Variants in TTC7B observed in about 807,000 individuals in gnomAD.
TTC7B encodes the protein tetratricopeptide repeat protein 7B.
In TTC7B, 28 loss-of-function variants were observed where a neutral mutation model predicts 106.8. The observed-to-expected ratio is 0.26, with a 90% CI of 0.19 to 0.36. TTC7B has a LOEUF of 0.36. Among genes scored for constraint, TTC7B ranks in the 10% least tolerant of loss-of-function variants. TTC7B has a pLI of 1.00. For synonymous variants in TTC7B, 405 were observed against 430.6 expected, an observed-to-expected ratio of 0.94 and a Z score of 0.74; for missense variants, 862 against 1,076.4, an observed-to-expected ratio of 0.80 and a Z score of 2.79.
At chr14:90,720,673 G>C (rs1888859557) in intron 5 of TTC7B, among the ~76,000 whole-genome samples, 1 of 152,096 alleles carries the variant, frequency 6.6e-6, no homozygotes, top group South Asian at 2.1e-4. Context: ...TATGTCAAGA[G>C]GTACCAGGAG....
At chr14:90,547,297 G>T (rs1232701852) in intron 19 of TTC7B, among the ~76,000 whole-genome samples, 1 of 152,220 alleles carries the variant, frequency 6.6e-6, no homozygotes, top group Non-Finnish European at 1.5e-5. Flanking sequence ...AATGGACTTG[G>T]CCAGTTTCAG....
intron 19 of TTC7B, among the ~76,000 whole-genome samples, chr14:90,558,736 C>T (rs571541508): frequency 2.4e-4 from 36 of 152,326 alleles, no homozygotes; most frequent in South Asian, 1.0e-3. Flanking sequence ...CACTGCAGGG[C>T]GATTCTAGTG....
intron 5 of TTC7B, among the ~76,000 whole-genome samples, chr14:90,714,273 T>C (rs1457147796): frequency 6.6e-6 from 1 of 151,876 alleles, no homozygotes; most frequent in Non-Finnish European, 1.5e-5. Context: ...CTACGTATTC[T>C]ATGATTACAT....
Position 90,578,109 on chromosome 14 carries a change from T to C in TTC7B, c.2307A>G (p.Arg769=), listed in dbSNP as rs569085922. The change falls in exon 19 of 20, where the codon CGA becomes CGG. Residue 769 remains arginine, a synonymous_variant. Coordinates refer to ENST00000328459, the MANE Select transcript of TTC7B (RefSeq NM_001010854.2). This position sits in a 1 kb window ranked among gnomAD's most constrained non-coding sequence, Gnocchi z 4.7. Reference sequence around the variant, plus strand: ...ACCGCCGGGCTCGTGGACTCACCAGTCGCTGCATGCTCTTCACGTGGGTGG... The same window carrying C: ...ACCGCCGGGCTCGTGGACTCACCAGCCGCTGCATGCTCTTCACGTGGGTGG... The part of the protein sequence containing the change: ...ISPTHVKSMQ[R]LALILHQLGR... 1.2e-5 allele frequency: 20 copies of C among 1,608,982 alleles called. No homozygotes were observed. The African/African-American group carries it at 2.1e-4, about 17-fold the overall frequency.
At chr14:90,810,447 C>T (rs1268668342) in intron 1 of TTC7B, among the ~76,000 whole-genome samples, 1 of 152,252 alleles carries the variant, frequency 6.6e-6, no homozygotes, top group Non-Finnish European at 1.5e-5. Context: ...CTCTTACCCA[C>T]TGTGCTTGCT....
chr14:90,676,622 G>C lies in TTC7B; in HGVS notation c.1053C>G (p.His351Gln). Residue 351 changes from histidine to glutamine, a missense_variant, in exon 9 of 20, where the codon CAC (histidine) becomes CAG (glutamine). By Grantham distance (24) the His-to-Gln change is conservative (BLOSUM62 0). Coordinates refer to ENST00000328459, the MANE Select transcript of TTC7B (RefSeq NM_001010854.2). ...GCAGACTGATGAGGCGGTCACTCTT[G>C]TGTTCAGGTATCCTGCTCAGCACAG... ...RDAVLSRIPE[H>Q]KSDRLISLQS... is the part of the protein sequence containing the mutation. 1 of 1,614,124 alleles carries C rather than the reference G, an allele frequency of 6.2e-7. No individual in the cohort carries two copies. Among genetic ancestry groups the C allele is most frequent in the Non-Finnish European group, 8.5e-7 (1 of 1,180,010 alleles).
intron 14 of TTC7B, chr14:90,645,233 C>T (rs1459209057): frequency 6.6e-6 from 1 of 152,238 alleles, no homozygotes; most frequent in African/African-American, 2.4e-5. Flanking sequence ...CTTCTCTTTC[C>T]CAAACCAATT....
At chr14:90,681,563 C>T (rs1887049423) in intron 7 of TTC7B, among the ~76,000 whole-genome samples, 1 of 151,866 alleles carries the variant, frequency 6.6e-6, no homozygotes. Context: ...TGTACTGCAT[C>T]TTAGGATGAT....
At chr14:90,712,047 T>C (rs199511616) in intron 5 of TTC7B, among the ~76,000 whole-genome samples, 1 of 114,740 alleles carries the variant, frequency 8.7e-6, no homozygotes, top group Admixed American at 8.4e-5. Flanking sequence ...AGGTTGAAAA[T>C]AAAAGGACAA....
At chr14:90,620,655 T>C (rs11850463) in intron 15 of TTC7B, among the ~76,000 whole-genome samples, 3,293 of 152,208 alleles carry the variant, frequency 0.022, 108 homozygotes, top group African/African-American at 0.075. Flanking sequence ...TCCCCTCCAA[T>C]GGCGCCTGCC....
intron 15 of TTC7B, among the ~76,000 whole-genome samples, chr14:90,619,644 C>T (rs546892205): frequency 5.3e-5 from 8 of 152,326 alleles, no homozygotes; most frequent in South Asian, 2.1e-4. Context: ...GCACTTCACA[C>T]GCTGTCAATG....
chr14:90,545,322 G>A (rs577462049), intron 19 of TTC7B, among the ~76,000 whole-genome samples: 6 of 152,362 alleles, frequency 3.9e-5, no homozygotes, highest in Admixed American at 3.9e-4. Flanking sequence ...AGGGGCGTCT[G>A]CCATGCTGTG....
chr14:90,627,125 G>A (rs1426683065), intron 15 of TTC7B, among the ~76,000 whole-genome samples: 1 of 151,994 alleles, frequency 6.6e-6, no homozygotes, highest in Non-Finnish European at 1.5e-5. Context: ...GGGACTGCAG[G>A]CATGCGTCAC....
chr14:90,705,668 G>A (rs193286876), intron 5 of TTC7B, among the ~76,000 whole-genome samples: 55 of 152,144 alleles, frequency 3.6e-4, no homozygotes, highest in Non-Finnish European at 4.6e-4. Flanking sequence ...TAAAGACACC[G>A]CCATTCACCA....
intron 19 of TTC7B, among the ~76,000 whole-genome samples, chr14:90,556,346 G>C (rs928723011): frequency 1.3e-5 from 2 of 152,150 alleles, no homozygotes; most frequent in African/African-American, 4.8e-5. Context: ...CTTTGAGGCA[G>C]TGAGTTTTAG....
At chr14:90,636,427 TA>T (rs71117365) in intron 15 of TTC7B, among the ~76,000 whole-genome samples, 75,085 of 99,874 alleles carry the variant, frequency 0.75, 27,652 homozygotes, top group South Asian at 0.85. Context: ...AACGATGTGG[TA>T]AAAAAAAAAA....
At chr14:90,635,760 A>AC (rs1034384789) in intron 15 of TTC7B, among the ~76,000 whole-genome samples, 5 of 22,160 alleles carry the variant, frequency 2.3e-4, no homozygotes, top group South Asian at 1.8e-3. Context: ...ACTCTGTCTC[A>AC]AAAAAAAAAA....
At chr14:90,789,450 C>T (rs1264422203) in intron 1 of TTC7B, among the ~76,000 whole-genome samples, 1 of 151,806 alleles carries the variant, frequency 6.6e-6, no homozygotes. Flanking sequence ...AGGCAGGGCT[C>T]GGTGGCTCAT....
In TTC7B at chr14:90,625,961, G is replaced by T. The variant is rs186410149; in HGVS notation, c.1752-7916C>A. 1.1e-3 allele frequency among the ~76,000 whole-genome samples: 165 copies of T among 152,300 alleles called. 1 individual carries two copies. Among genetic ancestry groups the T allele is most frequent in the African/African-American group, 3.7e-3 (154 of 41,560 alleles). On this transcript the variant is annotated intron_variant, in intron 15 of 19. Coordinates refer to ENST00000328459, the MANE Select transcript of TTC7B (RefSeq NM_001010854.2). Reference sequence around the variant, plus strand: ...AATAATACTTTGCTACTCAGAGTGTGTCCAGGGCAGGCAGCCTCAGAATCC... The same window carrying T: ...AATAATACTTTGCTACTCAGAGTGTTTCCAGGGCAGGCAGCCTCAGAATCC...
Sources: gnomAD v4.1 joint callset for allele counts (sites outside exome capture counted in the v4.1 genomes callset) on GRCh38, gnomAD v4.1.1 for gene constraint, Gnocchi (gnomAD v3.1) non-coding constraint, MANE v1.5 for transcripts, NCBI Gene and HGNC (gene_info 2026-07-23, HGNC 2026-07-21) for gene names.